The following ZAN variants were observed in gnomAD, a reference collection of about 807,000 sequenced individuals.
The protein encoded by ZAN is zonadhesin.
ZAN carries 260 observed loss-of-function variants against 286.2 expected under a neutral mutation model. That is an observed-to-expected ratio of 0.91 (90% CI 0.82 to 1.01). The LOEUF (loss-of-function observed/expected upper bound fraction) is 1.01, where lower values mean the gene tolerates loss of function less well. ZAN is among the 50% of genes least tolerant of loss of function. The probability of loss-of-function intolerance (pLI) is 0.00; values close to 1 mark genes in which losing one functional copy is unlikely to be tolerated. For missense variants in ZAN, 3,410 were observed against 3,639.2 expected (o/e 0.94, Z 1.62); for synonymous variants, 1,368 against 1,417.5 (o/e 0.97, Z 0.79).
chr7:100,759,951 G>T, intron 18 of ZAN, 106 bp downstream of exon 18: 1 of 1,453,080 alleles, frequency 6.9e-7, no homozygotes, highest in Non-Finnish European at 9.1e-7. Context: ...ACAAGACAGT[G>T]ACCTGCAATC....
At chr7:100,792,725 G>A (rs1012656981) in intron 42 of ZAN, among the ~76,000 whole-genome samples, 1 of 152,040 alleles carries the variant, frequency 6.6e-6, no homozygotes, top group Non-Finnish European at 1.5e-5. Context: ...CTCTGCCCCT[G>A]CCTGGGAGCC....
chr7:100,767,247 G>A lies in ZAN; in HGVS notation c.4850G>A (p.Cys1617Tyr). ...FDLSISLLRG[C>Y]KVMLNGHRVA... ...CTCAGCATCTCACTGCTCAGAGGCTGTAAGGTCATGGTGGGTGTCTTCCTC... is the reference window on the plus strand; with the variant it reads ...CTCAGCATCTCACTGCTCAGAGGCTATAAGGTCATGGTGGGTGTCTTCCTC... The change falls in exon 25 of 48, where the codon TGT (cysteine) becomes TAT (tyrosine). Residue 1617 changes from cysteine to tyrosine, a missense_variant. Transcript: ENST00000613979. The A allele has an allele frequency of 1.2e-6, 2 of 1,609,510 alleles. No individual in the cohort carries two copies. Among genetic ancestry groups the A allele is most frequent in the Non-Finnish European group, 1.7e-6 (2 of 1,179,590 alleles).
Position 100,750,608 on chromosome 7 carries a change from T to C in ZAN, c.1250-17T>C. ...TGTGCAGGCTTCTTACCTTGCCTGT[T>C]CCCTTCCTTTGCCTAGGGGGTCACT... On this transcript the variant is annotated splice_polypyrimidine_tract_variant and intron_variant, in intron 11 of 47. Coordinates refer to ENST00000613979, the MANE Select transcript of ZAN (RefSeq NM_003386.3). 2 of 1,612,062 alleles carry C rather than the reference T, an allele frequency of 1.2e-6. No individual in the cohort carries two copies. The highest frequency in any genetic ancestry group is 8.5e-7 in the Non-Finnish European group (1 of 1,179,170).
chr7:100,767,215 C>A lies in ZAN; in HGVS notation c.4818C>A (p.Val1606=), dbSNP rs755725577. The change falls in exon 25 of 48, where the codon GTC becomes GTA. Residue 1606 remains valine (V), a synonymous_variant. Transcript: ENST00000613979. ...ACATCAAAGCCGTCCACGTGACAGT[C>A]TTTGACCTCAGCATCTCACTGCTCA... ...VSYIKAVHVT[V]FDLSISLLRG... 5 of 1,613,114 alleles carry A rather than the reference C, an allele frequency of 3.1e-6. No individual in the cohort carries two copies. In the South Asian group the frequency reaches 4.4e-5, roughly 14 times the overall value.
chr7:100,779,853 C>A, intron 35 of ZAN, 103 bp downstream of exon 35: 1 of 1,234,970 alleles, frequency 8.1e-7, no homozygotes, highest in Non-Finnish European at 1.1e-6. Context: ...TCCTGACTAA[C>A]TCAGCCCTCA....
At chr7:100,791,624 C>A (rs1811965807) in intron 40 of ZAN, among the ~76,000 whole-genome samples, 1 of 152,180 alleles carries the variant, frequency 6.6e-6, no homozygotes, top group South Asian at 2.1e-4. Context: ...CCATACTGGT[C>A]TCGAACTCCT....
intron 35 of ZAN, among the ~76,000 whole-genome samples, chr7:100,781,754 C>T (rs1435754095): frequency 6.6e-6 from 1 of 151,134 alleles, no homozygotes; most frequent in Non-Finnish European, 1.5e-5. Flanking sequence ...GAATCTCCTG[C>T]CTCAGCCTCC....
chr7:100,782,381 T>C (rs1177637333), intron 35 of ZAN, among the ~76,000 whole-genome samples: 2 of 152,186 alleles, frequency 1.3e-5, no homozygotes, highest in Non-Finnish European at 2.9e-5. Context: ...TGGCCCAGGC[T>C]GCAGTGGCAC....
At chr7:100,747,686 C>G in intron 9 of ZAN, 45 bp downstream of exon 9, 2 of 1,553,062 alleles carry the variant, frequency 1.3e-6, no homozygotes, top group Non-Finnish European at 1.8e-6. Flanking sequence ...GGTAGGCACA[C>G]CCAATGTTGA....
At position 100,746,696 on chromosome 7, in the gene ZAN, G is replaced by A. The variant is rs757010912; in HGVS notation, c.925G>A (p.Val309Ile). 6.2e-7 allele frequency: 1 copy of A among 1,613,924 alleles called. No individual in the cohort carries two copies. The highest frequency in any genetic ancestry group is 8.5e-7 in the Non-Finnish European group (1 of 1,179,848). Residue 309 changes from valine to isoleucine, a missense_variant, in exon 8 of 48, where the codon GTC becomes ATC. Coordinates refer to ENST00000613979, the MANE Select transcript of ZAN (RefSeq NM_003386.3). ...TGCAGCCCTCCACATTTATGCTTCA[G>A]TCTTGGGTTAGAGCGGAGAATTAAT... is the stretch of plus-strand genomic sequence containing the variant. ...PGAALHIYASVLGSIRKHTLF... is the reference protein window; with the variant it reads ...PGAALHIYASILGSIRKHTLF...
At chr7:100,741,103 G>T (rs1192926566) in intron 7 of ZAN, among the ~76,000 whole-genome samples, 2 of 70,740 alleles carry the variant, frequency 2.8e-5, no homozygotes, top group South Asian at 5.5e-4. Context: ...GCCGGGCAGG[G>T]GGGCTGACCC....
At chr7:100,792,662 A>C in intron 42 of ZAN, 183 bp downstream of exon 42, 2 of 1,365,434 alleles carry the variant, frequency 1.5e-6, no homozygotes, top group Non-Finnish European at 1.9e-6. Context: ...CATCCCTCGA[A>C]TTTCTGCCTT....
chr7:100,786,158 G>A lies in ZAN; in HGVS notation c.6979+17G>A, dbSNP rs1462700173. On this transcript the variant is annotated intron_variant, in intron 37 of 47. Coordinates refer to ENST00000613979, the MANE Select transcript of ZAN (RefSeq NM_003386.3). ...TCTCAGACAGTAAGGGGAGCGACCG[G>A]GGAGGTTGGAGAGGGGAGCACCTGT... 6.2e-7 allele frequency: 1 copy of A among 1,613,428 alleles called. No individual in the cohort carries two copies. Among genetic ancestry groups the A allele is most frequent in the African/African-American group, 1.3e-5 (1 of 74,930 alleles).
At chr7:100,776,076 G>A (rs1258781759) in intron 33 of ZAN, among the ~76,000 whole-genome samples, 1 of 152,068 alleles carries the variant, frequency 6.6e-6, no homozygotes. Flanking sequence ...CACTCTGGGA[G>A]GCCGAGGCAG....
intron 35 of ZAN, among the ~76,000 whole-genome samples, chr7:100,781,054 T>G (rs1405538123): frequency 6.6e-6 from 1 of 152,042 alleles, no homozygotes; most frequent in Non-Finnish European, 1.5e-5. Context: ...GAAGGTTTAT[T>G]TTATTTATTT....
rs1442033602 is a variant in ZAN, at chr7:100,792,092, C to G, written c.7656C>G (p.Asp2552Glu). The G allele has an allele frequency of 1.9e-6, 3 of 1,612,700 alleles. No individual in the cohort carries two copies. Residue 2552 changes from aspartate (D) to glutamate (E), a missense_variant, in exon 41 of 48, where the codon GAC (aspartate) becomes GAG (glutamate). This residue lies in a region of ZAN where 1,289 missense variants were observed against 1,314.3 expected (regional missense o/e 0.98). Transcript: ENST00000613979. ...CCCAGGCCTGTAGGGTGCTGGCAGACCCCCAGGGCCCCTTTGCTGCCTGTC... is the reference window on the plus strand; with the variant it reads ...CCCAGGCCTGTAGGGTGCTGGCAGAGCCCCAGGGCCCCTTTGCTGCCTGTC... ...NSTQACRVLA[D>E]PQGPFAACHQ...
At position 100,771,867 on chromosome 7, in the gene ZAN, G is replaced by C; in HGVS notation, c.5272G>C (p.Val1758Leu). ...PQGPFSQCHQ[V>L]VPPQSSFASC... ...AGGACCCTTCTCTCAATGTCACCAG[G>C]TGGTGCCTCCCCAGTCCAGCTTTGC... Residue 1758 changes from valine to leucine, a missense_variant, in exon 29 of 48, where the codon GTG becomes CTG. By Grantham distance (32) the Val-to-Leu change is conservative (BLOSUM62 1). Coordinates refer to ENST00000613979, the MANE Select transcript of ZAN (RefSeq NM_003386.3). The C allele has an allele frequency of 6.2e-7, 1 of 1,612,814 alleles. No individual in the cohort carries two copies. The highest frequency in any genetic ancestry group is 8.5e-7 in the Non-Finnish European group (1 of 1,179,480).
chr7:100,741,494 G>T (rs1434258751), intron 7 of ZAN, among the ~76,000 whole-genome samples: 13 of 66,334 alleles, frequency 2.0e-4, no homozygotes, highest in African/African-American at 5.3e-4. Context: ...CGGATGGGGC[G>T]GCTGGCCGGG....
chr7:100,746,748 TC>T (rs1253764204), intron 8 of ZAN, 46 bp downstream of exon 8: 2 of 1,596,950 alleles, frequency 1.3e-6, no homozygotes, highest in South Asian at 2.2e-5. Context: ...TGGGCGCATC[TC>T]CCAGGGTTGG....
Sources: allele counts gnomAD v4.1 joint callset (sites outside exome capture counted in the v4.1 genomes callset), GRCh38; gene constraint gnomAD v4.1.1; regional missense constraint gnomAD v4.1.1; transcripts MANE v1.5; gene names NCBI Gene and HGNC (gene_info 2026-07-23, HGNC 2026-07-21).